The following GC variants were observed in gnomAD, a reference collection of about 807,000 sequenced individuals.
GC encodes vitamin D-binding protein.
GC carries 43 observed loss-of-function variants against 56.7 expected under a neutral mutation model. That is an observed-to-expected ratio of 0.76 (90% CI 0.59 to 0.98). GC has a LOEUF of 0.98. Among genes scored for constraint, GC ranks in the 50% least tolerant of loss-of-function variants. The pLI, the probability that GC is intolerant of heterozygous loss-of-function variation, is 0.00. For synonymous variants in GC, 216 were observed against 202.7 expected, an observed-to-expected ratio of 1.07 and a Z score of -0.56; for missense variants, 529 against 545.9, an observed-to-expected ratio of 0.97 and a Z score of 0.31.
At chr4:71,772,249 A>G (rs1351673994) in intron 1 of GC, among the ~76,000 whole-genome samples, 5 of 152,124 alleles carry the variant, frequency 3.3e-5, no homozygotes, top group Non-Finnish European at 5.9e-5. Context: ...AATAGCCCTA[A>G]TAAGAACTTC....
At chr4:71,758,016 G>A (rs569657921) in intron 7 of GC, 26 bp downstream of exon 7, 32 of 1,605,564 alleles carry the variant, frequency 2.0e-5, no homozygotes, top group Non-Finnish European at 2.3e-5. Flanking sequence ...GGCACATGGT[G>A]ATAATGATAA....
At chr4:71,783,712 T>A (rs1322917022) in intron 1 of GC, among the ~76,000 whole-genome samples, 5 of 151,768 alleles carry the variant, frequency 3.3e-5, no homozygotes, top group Non-Finnish European at 7.4e-5. Context: ...GAGGAAGAGA[T>A]AATTGACAAA....
chr4:71,800,531 G>T (rs1471224455), intron 1 of GC, among the ~76,000 whole-genome samples: 2 of 152,106 alleles, frequency 1.3e-5, no homozygotes, highest in Non-Finnish European at 2.9e-5. Context: ...GAATAGTGCT[G>T]CAGTAAATAT....
intron 1 of GC, among the ~76,000 whole-genome samples, chr4:71,794,527 T>C (rs185407455): frequency 1.7e-3 from 262 of 152,288 alleles, no homozygotes; most frequent in African/African-American, 5.8e-3. Context: ...TTTTATTGCA[T>C]CTATTTGATT....
At chr4:71,751,836 G>A (rs1367993242) in intron 11 of GC, among the ~76,000 whole-genome samples, 3 of 142,168 alleles carry the variant, frequency 2.1e-5, no homozygotes, top group Non-Finnish European at 3.2e-5. Flanking sequence ...AAAGAAATTC[G>A]TAATAAAAAA....
intron 12 of GC, 50 bp downstream of exon 12, chr4:71,746,101 C>A: frequency 1.3e-6 from 1 of 744,834 alleles, no homozygotes; most frequent in Non-Finnish European, 2.4e-6. Flanking sequence ...ATTTAAAATA[C>A]ATCCTACAAT....
At position 71,768,322 on chromosome 4, in the gene GC, G is replaced by T. The variant is rs781691912; in HGVS notation, c.240C>A (p.Asp80Glu). ...LTEACCAEGA[D>E]PDCYDTRTSA... ...CTACCCTGGTGTCATAGCAGTCAGGGTCAGCCCCTTCCGCACAGCAGGCTT... is the reference window on the plus strand; with the variant it reads ...CTACCCTGGTGTCATAGCAGTCAGGTTCAGCCCCTTCCGCACAGCAGGCTT... Residue 80 changes from aspartate to glutamate, a missense_variant, in exon 3 of 13, where the codon GAC (aspartate) becomes GAA (glutamate). Physicochemically the swap from Asp to Glu is conservative, Grantham distance 45. Transcript: ENST00000273951. 6.2e-6 allele frequency: 10 copies of T among 1,612,174 alleles called. No individual in the cohort carries two copies. The highest frequency in any genetic ancestry group is 8.5e-6 in the Non-Finnish European group (10 of 1,179,090).
At chr4:71,752,991 G>T (rs941754795) in intron 10 of GC, among the ~76,000 whole-genome samples, 1 of 152,120 alleles carries the variant, frequency 6.6e-6, no homozygotes, top group Non-Finnish European at 1.5e-5. Flanking sequence ...ATTCCTTAAA[G>T]AATATTTCCT....
chr4:71,744,301 A>C (rs927939596), intron 12 of GC, among the ~76,000 whole-genome samples: 82 of 150,574 alleles, frequency 5.4e-4, no homozygotes, highest in African/African-American at 1.8e-3. Flanking sequence ...AAAAAAAAAA[A>C]AACCCAAATT....
intron 11 of GC, among the ~76,000 whole-genome samples, chr4:71,746,683 T>G (rs189295785): frequency 1.4e-5 from 2 of 144,890 alleles, no homozygotes; most frequent in East Asian, 4.1e-4. Context: ...TGCAAGTAGT[T>G]CAGGAGAACC....
chr4:71,767,689 CA>C (rs1365337375), intron 3 of GC, among the ~76,000 whole-genome samples: 5 of 150,070 alleles, frequency 3.3e-5, no homozygotes, highest in Admixed American at 1.3e-4. Flanking sequence ...TTTGGGGGAA[CA>C]AAACTATTTT....
chr4:71,747,341 G>C (rs1425698094), intron 11 of GC, among the ~76,000 whole-genome samples: 1 of 152,000 alleles, frequency 6.6e-6, no homozygotes, highest in Non-Finnish European at 1.5e-5. Context: ...GAAAACAGTT[G>C]AGAAAATGTA....
chr4:71,764,070 C>A (rs968313346), intron 4 of GC, 134 bp from the exon 5 acceptor site: 1 of 652,114 alleles, frequency 1.5e-6, no homozygotes, highest in African/African-American at 1.8e-5. Context: ...CAGTCTCAAC[C>A]TCCTGGCCTC....
intron 4 of GC, 116 bp downstream of exon 4, chr4:71,765,316 T>C (rs1016461397): frequency 3.8e-6 from 3 of 783,154 alleles, no homozygotes; most frequent in South Asian, 3.0e-5. Flanking sequence ...ACAGTCAAGT[T>C]ATCAGAATTT....
intron 6 of GC, among the ~76,000 whole-genome samples, chr4:71,762,695 G>C (rs948444958): frequency 6.6e-6 from 1 of 152,144 alleles, no homozygotes; most frequent in Non-Finnish European, 1.5e-5. Flanking sequence ...TCTCATGATA[G>C]TGAATGAGTT....
intron 12 of GC, among the ~76,000 whole-genome samples, chr4:71,743,797 G>A (rs543370575): frequency 6.6e-6 from 1 of 152,288 alleles, no homozygotes; most frequent in East Asian, 1.9e-4. Flanking sequence ...GAATGCAATG[G>A]TGATAAACAA....
chr4:71,794,645 GTC>G (rs748290277), intron 1 of GC, among the ~76,000 whole-genome samples: 1 of 151,826 alleles, frequency 6.6e-6, no homozygotes, highest in African/African-American at 2.4e-5. Flanking sequence ...GTTTTTTTGT[GTC>G]TCTATCTCCT....
At chr4:71,792,726 G>T (rs188783868) in intron 1 of GC, among the ~76,000 whole-genome samples, 45 of 152,250 alleles carry the variant, frequency 3.0e-4, no homozygotes, top group African/African-American at 9.4e-4. Flanking sequence ...TAGTCATAAA[G>T]TCCTTGCCCA....
chr4:71,782,346 G>T (rs1742709887), intron 1 of GC, among the ~76,000 whole-genome samples: 1 of 151,726 alleles, frequency 6.6e-6, no homozygotes, highest in Admixed American at 6.6e-5. Flanking sequence ...TGCTGACTTG[G>T]TCTTTGGGTC....
Sources: allele counts gnomAD v4.1 joint callset (sites outside exome capture counted in the v4.1 genomes callset), GRCh38; gene constraint gnomAD v4.1.1; transcripts MANE v1.5; gene names NCBI Gene and HGNC (gene_info 2026-07-23, HGNC 2026-07-21).